Variants in DLGAP2 observed in about 807,000 individuals in gnomAD.
The protein encoded by DLGAP2 is disks large-associated protein 2.
In DLGAP2, 26 loss-of-function variants were observed where a neutral mutation model predicts 100.3. That is an observed-to-expected ratio of 0.26 (90% confidence interval 0.19 to 0.36). DLGAP2 has a LOEUF of 0.36. DLGAP2 is among the 10% of genes least tolerant of loss of function. DLGAP2 has a pLI of 1.00. For missense variants in DLGAP2, 1,858 were observed against 1,453.2 expected (o/e 1.28, Z -4.53); for synonymous variants, 886 against 630.1 (o/e 1.41, Z -6.08).
intron 8 of DLGAP2, among the ~76,000 whole-genome samples, chr8:1,653,306 G>A (rs574029580): frequency 2.0e-5 from 3 of 152,172 alleles, no homozygotes; most frequent in African/African-American, 4.8e-5. Context: ...CTGCGGGTGG[G>A]GTAGGGAGCC....
intron 3 of DLGAP2, among the ~76,000 whole-genome samples, chr8:1,498,218 G>A (rs555070324): frequency 6.6e-6 from 1 of 152,306 alleles, no homozygotes; most frequent in Non-Finnish European, 1.5e-5. Flanking sequence ...TTCCCACCGT[G>A]CAGAGGAAGC....
chr8:847,219 T>G (rs774216759), intron 1 of DLGAP2, among the ~76,000 whole-genome samples: 1 of 152,186 alleles, frequency 6.6e-6, no homozygotes, highest in Non-Finnish European at 1.5e-5. Flanking sequence ...AAATGTTGTT[T>G]TTTCTGAACT....
intron 2 of DLGAP2, among the ~76,000 whole-genome samples, chr8:1,151,415 T>C (rs1191072962): frequency 6.6e-6 from 1 of 152,178 alleles, no homozygotes; most frequent in Non-Finnish European, 1.5e-5. Context: ...GAGAAGTCAC[T>C]GTACAGAGGA....
intron 2 of DLGAP2, among the ~76,000 whole-genome samples, chr8:1,093,372 TTCACACCAACAGCCAGACC>T (rs1563187600): frequency 5.0e-5 from 7 of 140,194 alleles, no homozygotes; most frequent in African/African-American, 2.0e-4. Flanking sequence ...CAGAAACACC[TTCACACCAACAGCCAGACC>T]GAAACACCTT....
chr8:1,517,325 A>G (rs1418251328), intron 4 of DLGAP2, among the ~76,000 whole-genome samples: 1 of 152,100 alleles, frequency 6.6e-6, no homozygotes, highest in Non-Finnish European at 1.5e-5. Flanking sequence ...CTAGGCAGGG[A>G]TGGAAGAACG....
intron 3 of DLGAP2, among the ~76,000 whole-genome samples, chr8:1,373,433 G>T (rs1802301265): frequency 6.6e-6 from 1 of 152,196 alleles, no homozygotes. Context: ...CAAGGACGGG[G>T]GGCCGGACAG....
chr8:1,160,767 C>G (rs1465433920), intron 2 of DLGAP2, among the ~76,000 whole-genome samples: 1 of 152,236 alleles, frequency 6.6e-6, no homozygotes, highest in Non-Finnish European at 1.5e-5. Context: ...CCATGCAAAG[C>G]CTGGCGAGGA....
chr8:1,079,101 G>A (rs1156600409), intron 2 of DLGAP2, among the ~76,000 whole-genome samples: 1 of 152,182 alleles, frequency 6.6e-6, no homozygotes, highest in Non-Finnish European at 1.5e-5. Context: ...CATCTGAGCA[G>A]GTGTGTGATG....
rs1419232786 is a variant in DLGAP2, at chr8:759,081, ACAGCCTTCCTGTTATCAATACCCCCG to A, written c.18+21257_18+21282del. Among the ~76,000 whole-genome samples the A allele has an allele frequency of 9.0e-4, 60 of 66,698 alleles. 2 individuals carry two copies. The highest frequency in any genetic ancestry group is 1.2e-3 in the Non-Finnish European group (38 of 31,482). 43.8% of individuals were successfully genotyped at this position (66,698 alleles called of 152,430 possible). ...AACCTTCCCATTATCAATACCCCCC[ACAGCCTTCCTGTTATCAATACCCCCG>A]ACAGCCTTCCCATTATCAATACCCC... is the stretch of plus-strand genomic sequence containing the variant. On this transcript the variant is annotated intron_variant, in intron 1 of 14. Coordinates refer to ENST00000637795, the MANE Select transcript of DLGAP2 (RefSeq NM_001346810.2).
chr8:774,607 T>A (rs1302507307), intron 1 of DLGAP2, among the ~76,000 whole-genome samples: 1 of 150,508 alleles, frequency 6.6e-6, no homozygotes, highest in Non-Finnish European at 1.5e-5. Flanking sequence ...AAATAGGGAA[T>A]CCTTTCCCCA....
intron 2 of DLGAP2, among the ~76,000 whole-genome samples, chr8:1,233,531 G>T (rs1480840713): frequency 2.0e-5 from 3 of 152,210 alleles, no homozygotes; most frequent in African/African-American, 7.2e-5. Flanking sequence ...GCCCTGTGAT[G>T]TGAGAGGCCT....
At position 1,007,831 on chromosome 8, in the gene DLGAP2, A is replaced by G. The variant is rs541833961; in HGVS notation, c.73+99865A>G. 2.6e-5 allele frequency among the ~76,000 whole-genome samples: 4 copies of G among 152,346 alleles called. No individual in the cohort carries two copies. The East Asian group carries it at 5.8e-4, about 22-fold the overall frequency. ...CAATGCTTTTGGTTAATTTGTGCCC[A>G]GTAACATAAAAATTTATAAACTTCT... is the stretch of plus-strand genomic sequence containing the variant. On this transcript the variant is annotated intron_variant, in intron 2 of 14. Coordinates refer to ENST00000637795, the MANE Select transcript of DLGAP2 (RefSeq NM_001346810.2).
chr8:886,364 A>G (rs1008458212), intron 1 of DLGAP2, among the ~76,000 whole-genome samples: 5 of 151,574 alleles, frequency 3.3e-5, no homozygotes, highest in Non-Finnish European at 5.9e-5. Context: ...TTTTTCATCT[A>G]TCTCCTTAAA....
intron 1 of DLGAP2, among the ~76,000 whole-genome samples, chr8:808,482 G>A (rs367912097): frequency 6.6e-5 from 10 of 152,302 alleles, no homozygotes; most frequent in South Asian, 2.1e-4. Flanking sequence ...CCAAAAGGGC[G>A]TTCTGGGAAC....
intron 6 of DLGAP2, among the ~76,000 whole-genome samples, chr8:1,626,447 G>C (rs1360013364): frequency 1.5e-5 from 2 of 136,146 alleles, no homozygotes; most frequent in African/African-American, 5.8e-5. Context: ...TGGGTTGGAC[G>C]GCTGTTCCCA....
chr8:965,684 G>C (rs554672056), intron 2 of DLGAP2, among the ~76,000 whole-genome samples: 25 of 139,474 alleles, frequency 1.8e-4, no homozygotes, highest in African/African-American at 7.0e-4. Context: ...ACACGGCACT[G>C]TTCACCTCAC....
chr8:1,460,911 A>T (rs1278845456), intron 3 of DLGAP2, among the ~76,000 whole-genome samples: 2 of 152,210 alleles, frequency 1.3e-5, no homozygotes, highest in African/African-American at 4.8e-5. Flanking sequence ...TAGGGATCAG[A>T]AAGGACTCTC....
intron 2 of DLGAP2, among the ~76,000 whole-genome samples, chr8:1,063,863 C>A (rs565401405): frequency 6.6e-6 from 1 of 152,156 alleles, no homozygotes. Context: ...CTGTTGTGGC[C>A]TTTAATTTGC....
intron 2 of DLGAP2, among the ~76,000 whole-genome samples, chr8:965,905 C>A (rs73673038): frequency 1.3e-5 from 2 of 152,294 alleles, no homozygotes; most frequent in Admixed American, 6.5e-5. Flanking sequence ...CATGTGGCTC[C>A]TGAGCCTGAG....
Sources: allele counts gnomAD v4.1 joint callset (sites outside exome capture counted in the v4.1 genomes callset), GRCh38; gene constraint gnomAD v4.1.1; transcripts MANE v1.5; gene names NCBI Gene and HGNC (gene_info 2026-07-23, HGNC 2026-07-21).